Variants in PDGFA observed in about 807,000 individuals in gnomAD.
The protein encoded by PDGFA is platelet derived growth factor subunit A.
In PDGFA, 9 loss-of-function variants were observed where a neutral mutation model predicts 25.6. The ratio of observed to expected loss-of-function variants is 0.35; its 90% CI spans 0.21 to 0.61. The LOEUF is 0.61. Among genes scored for constraint, PDGFA ranks in the 20% least tolerant of loss-of-function variants. PDGFA has a pLI of 0.75. For missense variants in PDGFA, 242 were observed against 272.8 expected (o/e 0.89, Z 0.79); for synonymous variants, 133 against 111.8 (o/e 1.19, Z -1.20).
chr7:498,531 A>T, exon 6 of PDGFA: 5 of 1,603,186 alleles, frequency 3.1e-6, no homozygotes, highest in Non-Finnish European at 4.3e-6. Context: ...CGCCATGTAC[A>T]TCCATGTCCC....
chr7:517,985 C>G lies in PDGFA; in HGVS notation c.64-495G>C, dbSNP rs1407352182. 6.6e-6 allele frequency among the ~76,000 whole-genome samples: 1 copy of G among 152,142 alleles called. No individual in the cohort carries two copies. The highest frequency in any genetic ancestry group is 2.4e-5 in the African/African-American group (1 of 41,430). ...GGCCGAACCCGTGGAGAGGTCTCTC[C>G]GTCTCACAAACACACGCACGCGCGC... On this transcript the variant is annotated intron_variant, in intron 1 of 5. Transcript: ENST00000402802. The surrounding 1 kb of genome is among the most constrained non-coding windows in gnomAD (Gnocchi z 7.4).
At chr7:504,679 A>G (rs1158679085) in intron 4 of PDGFA, among the ~76,000 whole-genome samples, 3 of 152,190 alleles carry the variant, frequency 2.0e-5, no homozygotes, top group African/African-American at 7.2e-5. Flanking sequence ...GTTCGTGGGG[A>G]TGGGCTCGGG....
rs1783140741 is a variant in PDGFA, at chr7:517,100, C to G, written c.160+294G>C. On this transcript the variant is annotated intron_variant, in intron 2 of 5. Transcript: ENST00000402802. The surrounding 1 kb of genome is among the most constrained non-coding windows in gnomAD (Gnocchi z 7.4). Reference sequence around the variant, plus strand: ...CGCTCCCCCGGCCCGAGGGCAGGCGCGGGGCCCGCACACCTGGCGGAGGCC... The same window carrying G: ...CGCTCCCCCGGCCCGAGGGCAGGCGGGGGGCCCGCACACCTGGCGGAGGCC... 6.6e-6 allele frequency among the ~76,000 whole-genome samples: 1 copy of G among 151,468 alleles called. No homozygotes were observed. Among genetic ancestry groups the G allele is most frequent in the South Asian group, 2.1e-4 (1 of 4,830 alleles).
Position 500,672 on chromosome 7 carries a change from G to A in PDGFA, c.580+444C>T. ...GCTCCCAGGGCCCAGCCATAGCAGG[G>A]CACAGAAGCCATTCTGCTCCTGGGT... is the stretch of plus-strand genomic sequence containing the variant. On this transcript the variant is annotated intron_variant, in intron 5 of 5. Transcript: ENST00000402802. The surrounding 1 kb of genome is among the most constrained non-coding windows in gnomAD (Gnocchi z 5.0). 5 of 1,453,896 alleles carry A rather than the reference G, an allele frequency of 3.4e-6. No homozygotes were observed. The highest frequency in any genetic ancestry group is 2.5e-5 in the East Asian group (1 of 40,244). 90.1% of individuals were successfully genotyped at this position (1,453,896 alleles called of 1,614,324 possible). A position where few individuals can be genotyped will look rare whatever the true frequency, so the allele number is the denominator to read the frequency against.
intron 4 of PDGFA, among the ~76,000 whole-genome samples, chr7:506,990 G>A (rs1306815205): frequency 1.3e-5 from 2 of 152,174 alleles, no homozygotes; most frequent in Non-Finnish European, 1.5e-5. Context: ...CAACCCCTTT[G>A]ACCTCAGCTG....
chr7:509,980 G>T (rs1371570531), intron 4 of PDGFA, among the ~76,000 whole-genome samples: 1 of 152,092 alleles, frequency 6.6e-6, no homozygotes, highest in East Asian at 1.9e-4. Flanking sequence ...TAGGGGGGAA[G>T]CCGGGGGGGC....
chr7:500,526 G>C lies in PDGFA; in HGVS notation c.580+590C>G. The C allele has an allele frequency of 6.2e-7, 1 of 1,613,794 alleles. No individual in the cohort carries two copies. The highest frequency in any genetic ancestry group is 8.5e-7 in the Non-Finnish European group (1 of 1,180,006). On this transcript the variant is annotated intron_variant, in intron 5 of 5. Coordinates refer to ENST00000402802, the Ensembl canonical transcript of PDGFA. The surrounding 1 kb of genome is among the most constrained non-coding windows in gnomAD (Gnocchi z 5.0). ...TGTTAACAAAAGGGCAGGGCGGTGA[G>C]TGGGCCGAGGGACGGCCGTCGGGGT...
chr7:518,951 A>G, exon 1 of PDGFA: 1 of 1,535,166 alleles, frequency 6.5e-7, no homozygotes, highest in South Asian at 1.2e-5. Context: ...CGGCCAGAAC[A>G]TGGGCGAGGT....
Position 504,845 on chromosome 7 carries a change from C to T in PDGFA, c.454-3603G>A, listed in dbSNP as rs778822687. ...TCTGGCCAGACACCAGACGCCCAGGCGAGGGGCAGGCTCGCTCTCAACCAC... is the reference window on the plus strand; with the variant it reads ...TCTGGCCAGACACCAGACGCCCAGGTGAGGGGCAGGCTCGCTCTCAACCAC... On this transcript the variant is annotated intron_variant, in intron 4 of 5. Coordinates refer to ENST00000402802, the Ensembl canonical transcript of PDGFA. Among the ~76,000 whole-genome samples the T allele has an allele frequency of 9.8e-5, 15 of 152,356 alleles. No individual in the cohort carries two copies. In the South Asian group the frequency reaches 1.9e-3, roughly 19 times the overall value.
At chr7:497,473 G>A (rs1474836079) in exon 6 of PDGFA, 1 of 152,046 alleles carries the variant, frequency 6.6e-6, no homozygotes, top group Non-Finnish European at 1.5e-5. Context: ...GGCAGCAGAG[G>A]GAGTGACCGC....
intron 4 of PDGFA, among the ~76,000 whole-genome samples, chr7:503,368 T>C (rs1162516791): frequency 1.3e-5 from 2 of 152,088 alleles, no homozygotes; most frequent in Non-Finnish European, 2.9e-5. Flanking sequence ...TCACGGTTCA[T>C]GGGGAAACTG....
rs2128407040 is a variant in PDGFA at position 517,079 on chromosome 7, C to G, written c.160+315G>C. Among the ~76,000 whole-genome samples the G allele has an allele frequency of 6.6e-6, 1 of 151,562 alleles. No homozygotes were observed. The highest frequency in any genetic ancestry group is 6.6e-5 in the Admixed American group (1 of 15,240). On this transcript the variant is annotated intron_variant, in intron 2 of 5. Coordinates refer to ENST00000402802, the Ensembl canonical transcript of PDGFA. The surrounding 1 kb of genome is among the most constrained non-coding windows in gnomAD (Gnocchi z 7.4). ...AGGGTCTGGGCCGGATCCTGCCGCTCCCCCGGCCCGAGGGCAGGCGCGGGG... is the reference window on the plus strand; with the variant it reads ...AGGGTCTGGGCCGGATCCTGCCGCTGCCCCGGCCCGAGGGCAGGCGCGGGG...
upstream of PDGFA, chr7:520,120 C>T: frequency 5.2e-6 from 2 of 382,542 alleles, no homozygotes; most frequent in Non-Finnish European, 1.0e-5. Flanking sequence ...GCCCACCCTC[C>T]AGTGCCAGCT....
At position 501,113 on chromosome 7, in the gene PDGFA, C is replaced by T. The variant is rs1249124249; in HGVS notation, c.580+3G>A. On this transcript the variant is annotated splice_donor_region_variant and intron_variant, in intron 5 of 5. Transcript: ENST00000402802. ...ACCGATGCCGACGAAGGCAGCCACT[C>T]ACCCGTGTCCTCTTCCCGATAATCC... 3.7e-6 allele frequency: 6 copies of T among 1,614,128 alleles called. No individual in the cohort carries two copies. The highest frequency in any genetic ancestry group is 5.1e-6 in the Non-Finnish European group (6 of 1,180,022).
At chr7:509,434 G>A (rs1782703763) in intron 4 of PDGFA, among the ~76,000 whole-genome samples, 1 of 152,156 alleles carries the variant, frequency 6.6e-6, no homozygotes, top group African/African-American at 2.4e-5. Flanking sequence ...GGGACGACAG[G>A]CACTTGCCAC....
intron 4 of PDGFA, among the ~76,000 whole-genome samples, chr7:504,486 C>T (rs1001650465): frequency 6.6e-6 from 1 of 152,174 alleles, no homozygotes; most frequent in Non-Finnish European, 1.5e-5. Context: ...TCAGCAGGGA[C>T]CGAGTTCCTT....
intron 5 of PDGFA, 112 bp from the exon 6 acceptor site, chr7:498,686 G>A: frequency 1.0e-6 from 1 of 973,040 alleles, no homozygotes; most frequent in Non-Finnish European, 1.6e-6. Flanking sequence ...CCCAATCAGG[G>A]GCACACAGGG....
intron 2 of PDGFA, among the ~76,000 whole-genome samples, chr7:515,184 G>C (rs963698306): frequency 6.6e-6 from 1 of 152,188 alleles, no homozygotes; most frequent in Non-Finnish European, 1.5e-5. Context: ...GCCTGGAAGG[G>C]TTATAAAGGG....
intron 4 of PDGFA, among the ~76,000 whole-genome samples, chr7:506,304 C>T (rs1583145363): frequency 6.6e-6 from 1 of 152,188 alleles, no homozygotes; most frequent in African/African-American, 2.4e-5. Context: ...AAAGAAGATC[C>T]TGCCTCCTTC....
Sources: gnomAD v4.1 joint callset for allele counts (sites outside exome capture counted in the v4.1 genomes callset) on GRCh38, gnomAD v4.1.1 for gene constraint, Gnocchi (gnomAD v3.1) non-coding constraint, MANE v1.5 for transcripts, NCBI Gene and HGNC (gene_info 2026-07-23, HGNC 2026-07-21) for gene names.